The following HNF4A variants were observed in gnomAD, a reference collection of about 807,000 sequenced individuals.
HNF4A encodes hepatocyte nuclear factor 4 alpha, also known as hepatocyte nuclear factor 4-alpha.
In HNF4A, 15 loss-of-function variants were observed where a neutral mutation model predicts 52.4. The ratio of observed to expected loss-of-function variants is 0.29; its 90% CI spans 0.19 to 0.44. The LOEUF is 0.44. Ranked by LOEUF, HNF4A falls within the 20% of genes least tolerant of loss-of-function variation. The pLI, the probability that HNF4A is intolerant of heterozygous loss-of-function variation, is 1.00. For synonymous variants in HNF4A, 280 were observed against 264.4 expected, an observed-to-expected ratio of 1.06 and a Z score of -0.57; for missense variants, 479 against 647.2, an observed-to-expected ratio of 0.74 and a Z score of 2.82.
chr20:44,414,364 C>A, intron 4 of HNF4A, 143 bp from the exon 5 acceptor site: 1 of 1,193,054 alleles, frequency 8.4e-7, no homozygotes, highest in Non-Finnish European at 1.2e-6. Flanking sequence ...CGTTTTTACC[C>A]TGAGCTTCCT....
intron 7 of HNF4A, among the ~76,000 whole-genome samples, chr20:44,422,215 T>A (rs994074536): frequency 2.6e-5 from 4 of 152,172 alleles, no homozygotes; most frequent in Admixed American, 1.3e-4. Flanking sequence ...AGATTTCTAG[T>A]TCTAGTTCCC....
chr20:44,420,920 A>G (rs1015420219), intron 7 of HNF4A, among the ~76,000 whole-genome samples: 1 of 152,196 alleles, frequency 6.6e-6, no homozygotes, highest in Admixed American at 6.5e-5. Flanking sequence ...CAAGAGAAGC[A>G]TGTCTGATTA....
Position 44,406,108 on chromosome 20 carries a change from G to A in HNF4A, c.166G>A (p.Val56Ile). The A allele has an allele frequency of 1.2e-6, 2 of 1,613,556 alleles. No individual in the cohort carries two copies. Among genetic ancestry groups the A allele is most frequent in the Non-Finnish European group, 1.7e-6 (2 of 1,180,036 alleles). ...CCTCAACGCGCCCAACAGCCTGGGT[G>A]TCAGCGCCCTGTGTGCCATCTGCGG... Residue 56 changes from valine (V) to isoleucine (I), a missense_variant, in exon 2 of 10, where the codon GTC (valine) becomes ATC (isoleucine). This residue lies in a region of HNF4A where 90 missense variants were observed against 105.5 expected (regional missense o/e 0.85). Coordinates refer to ENST00000316099, the MANE Select transcript of HNF4A (RefSeq NM_000457.6).
intron 1 of HNF4A, among the ~76,000 whole-genome samples, chr20:44,367,913 G>A (rs925183370): frequency 4.0e-5 from 6 of 151,474 alleles, no homozygotes; most frequent in Admixed American, 2.0e-4. Flanking sequence ...CATGAGAGGC[G>A]GAGCTAGAAT....
intron 7 of HNF4A, among the ~76,000 whole-genome samples, chr20:44,422,356 C>T (rs1007929478): frequency 1.3e-5 from 2 of 152,080 alleles, no homozygotes; most frequent in Non-Finnish European, 2.9e-5. Flanking sequence ...TTTGAAGGGG[C>T]GGGGGACCTA....
At chr20:44,421,256 C>T (rs1305778522) in intron 7 of HNF4A, among the ~76,000 whole-genome samples, 2 of 152,324 alleles carry the variant, frequency 1.3e-5, no homozygotes, top group East Asian at 3.9e-4. Context: ...CTCCTCTCCC[C>T]ATTCTGTCCA....
rs958998141 is a variant in HNF4A, at chr20:44,431,801, G to A, written c.*2136G>A. 3.3e-5 allele frequency: 5 copies of A among 152,314 alleles called. No homozygotes were observed. The allele number at this position is 152,314 out of a possible 1,614,324, so 9.4% of individuals were successfully genotyped here. A position where few individuals can be genotyped will look rare whatever the true frequency, so the allele number is the denominator to read the frequency against. On this transcript the variant is annotated 3_prime_UTR_variant, in exon 10 of 10. Transcript: ENST00000316099. Reference sequence around the variant, plus strand: ...GAGTGGTTGGAGGCAGTGCCCCAGTGCCCAGAAATCCCACCATTAGTGATT... The same window carrying A: ...GAGTGGTTGGAGGCAGTGCCCCAGTACCCAGAAATCCCACCATTAGTGATT...
At chr20:44,433,729 G>A (rs2063901020), downstream of HNF4A, 1 of 152,192 alleles carries the variant, frequency 6.6e-6, no homozygotes. Flanking sequence ...ATGCACTTGA[G>A]AATCTCCAGC....
At chr20:44,411,918 G>A (rs144248687) in intron 3 of HNF4A, among the ~76,000 whole-genome samples, 491 of 151,794 alleles carry the variant, frequency 3.2e-3, no homozygotes, top group African/African-American at 0.011. Context: ...TTAGCCAGGC[G>A]TGGTGGCACA....
At position 44,389,737 on chromosome 20, in the gene HNF4A, G is replaced by A. The variant is rs1464137917; in HGVS notation, c.50-16321G>A. 2.6e-5 allele frequency: 4 copies of A among 152,268 alleles called. No individual in the cohort carries two copies. In the East Asian group the frequency reaches 7.7e-4, roughly 29 times the overall value. The allele number at this position is 152,268 out of a possible 1,614,324, so 9.4% of individuals were successfully genotyped here. On this transcript the variant is annotated intron_variant, in intron 1 of 9. Transcript: ENST00000316673. ...GTCCAGTGGAGGAGGCACACAACCAGTCTAATTACCATCTGACTAAACGAT... is the reference window on the plus strand; with the variant it reads ...GTCCAGTGGAGGAGGCACACAACCAATCTAATTACCATCTGACTAAACGAT...
chr20:44,390,808 A>C, intron 1 of HNF4A: 2 of 622,948 alleles, frequency 3.2e-6, no homozygotes, highest in Middle Eastern at 2.7e-4. Context: ...CTAACCCAGG[A>C]ACGTCCATGG....
rs2063891711 is a variant in HNF4A at position 44,432,577 on chromosome 20, C to A, written c.*2912C>A. ...AACGCTCTTCTATTTCTTGTCATTA[C>A]CAAGCCAATTACTTTTGCCAAATTT... On this transcript the variant is annotated 3_prime_UTR_variant, in exon 10 of 10. Coordinates refer to ENST00000316099, the MANE Select transcript of HNF4A (RefSeq NM_000457.6). The A allele has an allele frequency of 6.6e-6, 1 of 151,908 alleles. No homozygotes were observed. The highest frequency in any genetic ancestry group is 2.4e-5 in the African/African-American group (1 of 41,358). 9.4% of individuals were successfully genotyped at this position (151,908 alleles called of 1,614,324 possible). A position where few individuals can be genotyped will look rare whatever the true frequency, so the allele number is the denominator to read the frequency against.
chr20:44,368,813 T>C (rs971083866), intron 1 of HNF4A, among the ~76,000 whole-genome samples: 1 of 152,176 alleles, frequency 6.6e-6, no homozygotes, highest in Non-Finnish European at 1.5e-5. Context: ...GGTTATGCAA[T>C]TTAAAATATT....
At chr20:44,382,176 C>T (rs992982338) in intron 1 of HNF4A, among the ~76,000 whole-genome samples, 3 of 152,196 alleles carry the variant, frequency 2.0e-5, no homozygotes, top group Non-Finnish European at 4.4e-5. Context: ...TTCTCCAATA[C>T]CCAGCCCAAA....
intron 6 of HNF4A, 48 bp from the exon 7 acceptor site, chr20:44,419,673 G>A: frequency 5.6e-6 from 9 of 1,600,186 alleles, no homozygotes; most frequent in Non-Finnish European, 6.0e-6. Flanking sequence ...GAGGAGAGGG[G>A]TCAACCCAAG....
intron 1 of HNF4A, among the ~76,000 whole-genome samples, chr20:44,365,791 G>A (rs1448478335): frequency 6.6e-6 from 1 of 152,114 alleles, no homozygotes; most frequent in Non-Finnish European, 1.5e-5. Context: ...TGAATCACTT[G>A]ACCCCAGGAG....
intron 5 of HNF4A, among the ~76,000 whole-genome samples, chr20:44,416,246 G>A (rs375416497): frequency 5.9e-5 from 9 of 152,318 alleles, no homozygotes; most frequent in African/African-American, 2.2e-4. Flanking sequence ...AATGCAGGTG[G>A]GGCATCCCTG....
chr20:44,430,331 C>T lies in HNF4A; in HGVS notation c.*666C>T, dbSNP rs1283958989. 2.0e-5 allele frequency: 3 copies of T among 152,530 alleles called. No individual in the cohort carries two copies. Among genetic ancestry groups the T allele is most frequent in the Admixed American group, 2.0e-4 (3 of 15,284 alleles). The allele number at this position is 152,530 out of a possible 1,614,324, so 9.4% of individuals were successfully genotyped here. A position where few individuals can be genotyped will look rare whatever the true frequency, so the allele number is the denominator to read the frequency against. ...TGTGGTGAGGGAAGACGCCTTTCTC[C>T]TCCAACCCAACCTCATCCTCCTTCT... On this transcript the variant is annotated 3_prime_UTR_variant, in exon 10 of 10. Transcript: ENST00000316099.
intron 4 of HNF4A, 121 bp from the exon 5 acceptor site, chr20:44,414,386 G>A (rs1242548054): frequency 2.8e-6 from 4 of 1,414,720 alleles, no homozygotes; most frequent in African/African-American, 2.8e-5. Context: ...CAGAGCTGGA[G>A]GGCACCCACT....
Sources: allele counts gnomAD v4.1 joint callset (sites outside exome capture counted in the v4.1 genomes callset), GRCh38; gene constraint gnomAD v4.1.1; regional missense constraint gnomAD v4.1.1; transcripts MANE v1.5; gene names NCBI Gene and HGNC (gene_info 2026-07-23, HGNC 2026-07-21).